RDX: variants seen among roughly 807,000 people sequenced by gnomAD.
The protein encoded by RDX is deafness, autosomal recessive 24.
Under a neutral mutation model 83.7 loss-of-function variants are expected in RDX, and 32 were observed. The ratio of observed to expected loss-of-function variants is 0.38; its 90% CI spans 0.29 to 0.51. The LOEUF (loss-of-function observed/expected upper bound fraction) is 0.51, where lower values mean the gene tolerates loss of function less well. RDX is among the 20% of genes least tolerant of loss of function. The pLI, the probability that RDX is intolerant of heterozygous loss-of-function variation, is 0.87. For synonymous variants in RDX, 229 were observed against 222.7 expected (o/e 1.03, Z -0.25); for missense variants, 600 against 689.9 (o/e 0.87, Z 1.46).
chr11:110,176,418 C>T (rs1214233432), intron 15 of RDX, among the ~76,000 whole-genome samples: 1 of 152,158 alleles, frequency 6.6e-6, no homozygotes, highest in Non-Finnish European at 1.5e-5. Flanking sequence ...CCTCCTGGCT[C>T]CTGCCTTCCA....
At position 110,247,792 on chromosome 11, in the gene RDX, T is replaced by A. The variant is rs1237181088; in HGVS notation, c.1001A>T (p.Glu334Val). 6.3e-7 allele frequency: 1 copy of A among 1,595,016 alleles called. No individual in the cohort carries two copies. The highest frequency in any genetic ancestry group is 8.5e-7 in the Non-Finnish European group (1 of 1,169,804). ...ACGTTCTATTCTTTCCTTTTCCTTT[T>A]CTGCTATTTCTCTTTTCTTCTTTTC... ...ENEKKKREIAEKEKERIEREK... is the reference protein window; with the variant it reads ...ENEKKKREIAVKEKERIEREK... The change falls in exon 10 of 14, where the codon GAA (glutamate) becomes GTA (valine). Residue 334 changes from glutamate to valine, a missense_variant. By Grantham distance (121) the Glu-to-Val change is moderately radical (BLOSUM62 -2). Coordinates refer to ENST00000645495, the MANE Select transcript of RDX (RefSeq NM_002906.4).
chr11:110,270,634 CAA>C (rs1185486599), intron 3 of RDX, among the ~76,000 whole-genome samples: 19 of 152,120 alleles, frequency 1.2e-4, no homozygotes, highest in East Asian at 3.9e-4. Context: ...AAAAATAAGA[CAA>C]AGAGATTAAT....
downstream of RDX, among the ~76,000 whole-genome samples, chr11:110,229,282 C>T (rs1864534358): frequency 6.6e-6 from 1 of 151,890 alleles, no homozygotes; most frequent in Non-Finnish European, 1.5e-5. Context: ...CTATTACTTC[C>T]ATACCAAAGA....
chr11:110,252,369 A>G (rs991158206), intron 9 of RDX, among the ~76,000 whole-genome samples: 3 of 152,230 alleles, frequency 2.0e-5, no homozygotes, highest in African/African-American at 4.8e-5. Context: ...GTATTTCTCT[A>G]TAAGCCATGA....
chr11:110,239,819 T>G (rs2134319180), intron 10 of RDX, among the ~76,000 whole-genome samples: 3 of 142,936 alleles, frequency 2.1e-5, no homozygotes, highest in African/African-American at 2.6e-5. Flanking sequence ...GTTGCCTGGG[T>G]GATAGAGGAA....
chr11:110,266,006 T>C (rs965290098), intron 3 of RDX, among the ~76,000 whole-genome samples: 28 of 152,096 alleles, frequency 1.8e-4, no homozygotes, highest in Admixed American at 1.7e-3. Flanking sequence ...CACAGAATGA[T>C]CAGCCTGTGG....
At chr11:110,286,095 T>TA (rs1238461613) in intron 1 of RDX, among the ~76,000 whole-genome samples, 14 of 152,190 alleles carry the variant, frequency 9.2e-5, no homozygotes, top group African/African-American at 2.7e-4. Flanking sequence ...GGTTTAAACT[T>TA]AATTAAACCA....
chr11:110,191,469 C>A (rs1177327188), intron 15 of RDX, among the ~76,000 whole-genome samples: 1 of 152,174 alleles, frequency 6.6e-6, no homozygotes, highest in Non-Finnish European at 1.5e-5. Flanking sequence ...ACTGAACAGG[C>A]AAAAGCTGGA....
intron 14 of RDX, among the ~76,000 whole-genome samples, chr11:110,206,716 A>C (rs1185462564): frequency 6.6e-6 from 1 of 152,220 alleles, no homozygotes; most frequent in Non-Finnish European, 1.5e-5. Flanking sequence ...ACAGAAAGTA[A>C]TGAAGGAAAA....
At position 110,261,863 on chromosome 11, in the gene RDX, T is replaced by C. The variant is rs191511931; in HGVS notation, c.467+2097A>G. On this transcript the variant is annotated intron_variant, in intron 5 of 13. Coordinates refer to ENST00000645495, the MANE Select transcript of RDX (RefSeq NM_002906.4). ...CACCCATATTTAAAATAAACTGTGC[T>C]TGTGTGTTATTGTAGTGTTTAAGAG... Among the ~76,000 whole-genome samples the C allele has an allele frequency of 8.5e-5, 13 of 152,314 alleles. No individual in the cohort carries two copies. The East Asian group carries it at 2.3e-3, about 27-fold the overall frequency.
intron 14 of RDX, among the ~76,000 whole-genome samples, chr11:110,218,167 G>C (rs1157951161): frequency 6.6e-6 from 1 of 152,196 alleles, no homozygotes; most frequent in East Asian, 1.9e-4. Flanking sequence ...ATATGGAGCT[G>C]ACAGAGGACA....
chr11:110,232,568 T>C (rs1864682642), intron 13 of RDX, among the ~76,000 whole-genome samples: 1 of 152,186 alleles, frequency 6.6e-6, no homozygotes, highest in South Asian at 2.1e-4. Flanking sequence ...ATTAAGATTA[T>C]GTAATGTCTT....
At chr11:110,217,026 C>T (rs551030521) in intron 14 of RDX, among the ~76,000 whole-genome samples, 6 of 152,292 alleles carry the variant, frequency 3.9e-5, no homozygotes, top group East Asian at 1.9e-4. Context: ...AGACTCCTGA[C>T]GAGACACAGT....
At chr11:110,285,704 CTT>C (rs1860953624) in intron 1 of RDX, among the ~76,000 whole-genome samples, 1 of 88,420 alleles carries the variant, frequency 1.1e-5, no homozygotes, top group African/African-American at 4.4e-5. Context: ...CAGAGTGAGA[CTT>C]TGTCTCAAAA....
chr11:110,279,730 CACTTCAATG>C lies in RDX; in HGVS notation c.-47_-39del. The C allele has an allele frequency of 7.2e-7, 1 of 1,395,528 alleles. No individual in the cohort carries two copies. The highest frequency in any genetic ancestry group is 1.0e-6 in the Non-Finnish European group (1 of 987,028). 86.4% of individuals were successfully genotyped at this position (1,395,528 alleles called of 1,614,324 possible). On this transcript the variant is annotated 5_prime_UTR_variant, in exon 2 of 14. Coordinates refer to ENST00000645495, the MANE Select transcript of RDX (RefSeq NM_002906.4). ...TTTGTTACCTTCTTTAAAAATTCTC[CACTTCAATG>C]AATTCTGTTATCACTTTCTGTTAAA...
chr11:110,242,565 A>G (rs1365025647), intron 10 of RDX, among the ~76,000 whole-genome samples: 1 of 152,144 alleles, frequency 6.6e-6, no homozygotes, highest in African/African-American at 2.4e-5. Flanking sequence ...TACAAAGTTA[A>G]ATTTTGAAAC....
In RDX at chr11:110,231,907, T is replaced by G; in HGVS notation, c.1714A>C (p.Asn572His). The part of the protein sequence containing the change: ...YKTLRQIRQG[N>H]TKQRIDEFEA... ...AACTCATCGATACGCTGCTTTGTATTGCCTTGTCGAATCTGTCGCAGAGTC... is the reference window on the plus strand; with the variant it reads ...AACTCATCGATACGCTGCTTTGTATGGCCTTGTCGAATCTGTCGCAGAGTC... Residue 572 changes from asparagine (N) to histidine (H), a missense_variant, in exon 14 of 14, where the codon AAT (asparagine) becomes CAT (histidine). Transcript: ENST00000645495. The G allele has an allele frequency of 6.2e-7, 1 of 1,613,324 alleles. No homozygotes were observed. Among genetic ancestry groups the G allele is most frequent in the Non-Finnish European group, 8.5e-7 (1 of 1,179,982 alleles).
intron 3 of RDX, among the ~76,000 whole-genome samples, chr11:110,271,497 C>T (rs1194157684): frequency 6.6e-6 from 1 of 152,198 alleles, no homozygotes; most frequent in Non-Finnish European, 1.5e-5. Context: ...TACTTAATCC[C>T]TGGGGCCAAT....
At chr11:110,293,859 G>A (rs1170776266) in intron 1 of RDX, among the ~76,000 whole-genome samples, 2 of 152,226 alleles carry the variant, frequency 1.3e-5, no homozygotes, top group East Asian at 3.9e-4. Flanking sequence ...GATTTTTTTA[G>A]ACTTTGGCCT....
Sources: gnomAD v4.1 joint callset for allele counts (sites outside exome capture counted in the v4.1 genomes callset) on GRCh38, gnomAD v4.1.1 for gene constraint, MANE v1.5 for transcripts, NCBI Gene and HGNC (gene_info 2026-07-23, HGNC 2026-07-21) for gene names.